ROBO2: variants seen among roughly 807,000 people sequenced by gnomAD.
ROBO2 encodes roundabout guidance receptor 2, also known as roundabout homolog 2.
In ROBO2, 53 loss-of-function variants were observed where a neutral mutation model predicts 160.8. That is an observed-to-expected ratio of 0.33 (90% CI 0.26 to 0.41). ROBO2 has a LOEUF of 0.41. ROBO2 is among the 10% of genes least tolerant of loss of function. The probability of loss-of-function intolerance (pLI) is 1.00; values close to 1 mark genes in which losing one functional copy is unlikely to be tolerated. For synonymous variants in ROBO2, 664 were observed against 611.7 expected (o/e 1.09, Z -1.26); for missense variants, 1,577 against 1,722.4 (o/e 0.92, Z 1.49).
intron 2 of ROBO2, among the ~76,000 whole-genome samples, chr3:77,208,386 A>G (rs1347150704): frequency 6.6e-6 from 1 of 152,144 alleles, no homozygotes; most frequent in Non-Finnish European, 1.5e-5. Context: ...TTTTATAATA[A>G]ATTTATGTTT....
chr3:76,983,173 T>G (rs2149336017), intron 2 of ROBO2, among the ~76,000 whole-genome samples: 1 of 152,124 alleles, frequency 6.6e-6, no homozygotes, highest in African/African-American at 2.4e-5. Context: ...TAATTCCACC[T>G]ACTCAGGAGG....
chr3:77,374,830 A>G (rs4618205), intron 2 of ROBO2, among the ~76,000 whole-genome samples: 16,912 of 152,242 alleles, frequency 0.11, 1,873 homozygotes, highest in African/African-American at 0.26. Flanking sequence ...GACTCAGTAA[A>G]TTCTTATTTT....
At chr3:77,041,248 A>G (rs1390543843) in intron 1 of ROBO2, among the ~76,000 whole-genome samples, 2 of 152,248 alleles carry the variant, frequency 1.3e-5, no homozygotes, top group Admixed American at 6.5e-5. Flanking sequence ...GAAGAAATAC[A>G]GTAATAGACA....
At position 76,501,930 on chromosome 3, in the gene ROBO2, T is replaced by G. The variant is rs188825690; in HGVS notation, c.109+564328T>G. On this transcript the variant is annotated intron_variant, in intron 2 of 26. Coordinates refer to the ROBO2 transcript ENST00000487694. ...TATTTTTATAGTTTCTGGAAGAGAT[T>G]GATCAAAACTTCAACTATTGTGGAA... is the stretch of plus-strand genomic sequence containing the variant. Among the ~76,000 whole-genome samples, 3 of 152,278 alleles carry G rather than the reference T, an allele frequency of 2.0e-5. No homozygotes were observed. The East Asian group carries it at 5.8e-4, about 29-fold the overall frequency.
intron 2 of ROBO2, among the ~76,000 whole-genome samples, chr3:76,097,711 A>G (rs2069512376): frequency 1.3e-5 from 2 of 152,192 alleles, no homozygotes; most frequent in Admixed American, 1.3e-4. Flanking sequence ...GAACGTAGGA[A>G]GCAGCGAATA....
chr3:77,613,546 T>G (rs989724274), intron 21 of ROBO2, among the ~76,000 whole-genome samples: 3 of 152,168 alleles, frequency 2.0e-5, no homozygotes, highest in Non-Finnish European at 4.4e-5. Context: ...CTCTTTTGAT[T>G]AGCCTCCTCT....
At chr3:76,657,068 T>C (rs1176184864) in intron 2 of ROBO2, among the ~76,000 whole-genome samples, 2 of 152,186 alleles carry the variant, frequency 1.3e-5, no homozygotes, top group African/African-American at 4.8e-5. Flanking sequence ...TTCCTCTTTT[T>C]TTTCCCTATA....
At chr3:76,027,987 G>T (rs1184469829) in intron 2 of ROBO2, among the ~76,000 whole-genome samples, 1 of 151,938 alleles carries the variant, frequency 6.6e-6, no homozygotes, top group African/African-American at 2.4e-5. Flanking sequence ...CAATAGGATA[G>T]ATTAATATGG....
intron 2 of ROBO2, among the ~76,000 whole-genome samples, chr3:76,642,747 A>G (rs137960564): frequency 1.3e-5 from 2 of 152,338 alleles, no homozygotes; most frequent in East Asian, 1.9e-4. Flanking sequence ...ACAATCTTCA[A>G]TGATATGTGA....
chr3:76,566,907 A>G (rs756462566), intron 2 of ROBO2, among the ~76,000 whole-genome samples: 2 of 152,202 alleles, frequency 1.3e-5, no homozygotes, highest in Non-Finnish European at 2.9e-5. Context: ...ACTGTGGCAC[A>G]CAGAGATTCC....
intron 2 of ROBO2, among the ~76,000 whole-genome samples, chr3:76,474,618 G>A (rs932082030): frequency 6.6e-6 from 1 of 152,124 alleles, no homozygotes; most frequent in African/African-American, 2.4e-5. Flanking sequence ...GACAGTGACT[G>A]TGCCATAAAA....
At chr3:76,576,603 T>C (rs2085303158) in intron 2 of ROBO2, among the ~76,000 whole-genome samples, 1 of 151,924 alleles carries the variant, frequency 6.6e-6, no homozygotes, top group Non-Finnish European at 1.5e-5. Flanking sequence ...ATTGAGAATA[T>C]ATGTTTATTT....
chr3:77,645,597 C>T (rs1424413111), intron 25 of ROBO2, among the ~76,000 whole-genome samples: 5 of 152,106 alleles, frequency 3.3e-5, no homozygotes, highest in African/African-American at 1.2e-4. Context: ...ACTGCCTCAT[C>T]AGAAAAATAG....
intron 2 of ROBO2, among the ~76,000 whole-genome samples, chr3:76,308,376 C>CA (rs71277580): frequency 0.35 from 30,246 of 85,590 alleles, 6,217 homozygotes; most frequent in South Asian, 0.46. Flanking sequence ...GACTCTGTCT[C>CA]AAAAAAAAAA....
chr3:76,282,973 A>T (rs1253496945), intron 2 of ROBO2, among the ~76,000 whole-genome samples: 1 of 147,866 alleles, frequency 6.8e-6, no homozygotes, highest in Non-Finnish European at 1.5e-5. Flanking sequence ...TTTTTTCTTT[A>T]TTTTATTTTA....
intron 2 of ROBO2, among the ~76,000 whole-genome samples, chr3:76,422,191 A>C: frequency 1.3e-5 from 2 of 152,166 alleles, no homozygotes; most frequent in East Asian, 3.9e-4. Flanking sequence ...AGAAATATAT[A>C]TTCAAAACAG....
At chr3:77,369,558 G>A (rs773623196) in intron 2 of ROBO2, among the ~76,000 whole-genome samples, 10 of 152,090 alleles carry the variant, frequency 6.6e-5, no homozygotes, top group Non-Finnish European at 8.8e-5. Flanking sequence ...CTGAAAGTGC[G>A]GACCCTTTTT....
At chr3:77,188,966 TGTGA>T (rs926548129) in intron 2 of ROBO2, among the ~76,000 whole-genome samples, 6 of 124,972 alleles carry the variant, frequency 4.8e-5, no homozygotes, top group African/African-American at 1.4e-4. Flanking sequence ...TGTGTGTGTG[TGTGA>T]GAGAGAGAGA....
chr3:76,553,877 T>G (rs1308843052), intron 2 of ROBO2, among the ~76,000 whole-genome samples: 1 of 152,198 alleles, frequency 6.6e-6, no homozygotes, highest in Non-Finnish European at 1.5e-5. Context: ...TGCTTGCTAA[T>G]GCTCATTATT....
Sources: allele counts gnomAD v4.1 joint callset (sites outside exome capture counted in the v4.1 genomes callset), GRCh38; gene constraint gnomAD v4.1.1; transcripts MANE v1.5; gene names NCBI Gene and HGNC (gene_info 2026-07-23, HGNC 2026-07-21).